Variants in ANXA3 observed in about 807,000 individuals in gnomAD.
ANXA3 encodes 35-alpha calcimedin.
A neutral mutation model predicts 48.8 loss-of-function variants in ANXA3; 46 were observed. The observed-to-expected ratio is 0.94, with a 90% CI of 0.74 to 1.21. The LOEUF (loss-of-function observed/expected upper bound fraction) is 1.21. ANXA3 is among the 50% of genes most tolerant of loss of function. The pLI is 0.00. For missense variants in ANXA3, 383 were observed against 378.6 expected (o/e 1.01, Z -0.10); for synonymous variants, 128 against 134.7 (o/e 0.95, Z 0.35).
intron 7 of ANXA3, among the ~76,000 whole-genome samples, chr4:78,593,087 T>C (rs901150901): frequency 1.6e-4 from 24 of 149,724 alleles, no homozygotes; most frequent in African/African-American, 5.4e-4. Context: ...ATAATGTGCT[T>C]AAGTATTTGT....
intron 2 of ANXA3, among the ~76,000 whole-genome samples, chr4:78,570,800 GAAGCATTCAAAC>G (rs1335042269): frequency 6.6e-6 from 1 of 152,158 alleles, no homozygotes; most frequent in African/African-American, 2.4e-5. Context: ...TGCTGGGCAT[GAAGCATTCAAAC>G]AATCTAACAT....
intron 3 of ANXA3, among the ~76,000 whole-genome samples, chr4:78,575,025 A>G (rs1722918185): frequency 1.3e-5 from 2 of 152,194 alleles, no homozygotes; most frequent in Admixed American, 6.5e-5. Flanking sequence ...AACACTTGCT[A>G]TAGTAAGACT....
intron 2 of ANXA3, among the ~76,000 whole-genome samples, chr4:78,555,721 T>C (rs12648686): frequency 0.72 from 108,697 of 150,796 alleles, 40,084 homozygotes; most frequent in East Asian, 0.88. Context: ...CGTTGTGGGG[T>C]GTACCCATGG....
intron 8 of ANXA3, 44 bp downstream of exon 8, chr4:78,595,481 A>T (rs756189245): frequency 1.3e-6 from 2 of 1,592,296 alleles, no homozygotes; most frequent in Non-Finnish European, 1.7e-6. Flanking sequence ...CTATTCTCCT[A>T]TGTGGCTGCC....
chr4:78,579,112 A>G lies in ANXA3; in HGVS notation c.189A>G (p.Ala63=), dbSNP rs769212224. The G allele has an allele frequency of 7.2e-5, 116 of 1,609,192 alleles. No homozygotes were observed. Among genetic ancestry groups the G allele is most frequent in the Non-Finnish European group, 8.8e-5 (103 of 1,176,112 alleles). ...TGATTGTTAAGGAATATCAAGCAGC[A>G]TATGGAAAGGTAAGGTCACATTAAC... ...RQLIVKEYQA[A]YGKELKDDLK... Residue 63 remains alanine (A), a synonymous_variant, in exon 4 of 13, where the codon GCA becomes GCG. Coordinates refer to ENST00000264908, the MANE Select transcript of ANXA3 (RefSeq NM_005139.3).
chr4:78,586,335 C>A lies in ANXA3; in HGVS notation c.388C>A (p.Gln130Lys). The A allele has an allele frequency of 6.2e-7, 1 of 1,612,916 alleles. No homozygotes were observed. The highest frequency in any genetic ancestry group is 1.1e-5 in the South Asian group (1 of 91,022). The change falls in exon 6 of 13, where the codon CAA becomes AAA. Residue 130 changes from glutamine to lysine, a missense_variant. Transcript: ENST00000264908. ...RTSRQMKDIS[Q>K]AYYTVYKKSL... ...AAGCAGGCAAATGAAGGATATCTCT[C>A]AAGCCTATTATACAGGTGTCTTATT...
intron 11 of ANXA3, chr4:78,603,710 T>C (rs1723590617): frequency 6.6e-6 from 1 of 152,252 alleles, no homozygotes; most frequent in African/African-American, 2.4e-5. Context: ...CAGAATTTCA[T>C]TTCATGGTTA....
At chr4:78,555,674 TAAAAAA>T (rs113457974) in intron 2 of ANXA3, among the ~76,000 whole-genome samples, 1 of 142,342 alleles carries the variant, frequency 7.0e-6, no homozygotes, top group African/African-American at 2.6e-5. Context: ...CCCAGTCTCT[TAAAAAA>T]AAAAAAAAAA....
intron 6 of ANXA3, 73 bp from the exon 7 acceptor site, chr4:78,591,471 T>A: frequency 9.6e-7 from 1 of 1,039,654 alleles, no homozygotes; most frequent in Non-Finnish European, 1.5e-6. Context: ...GTGTTGGCAT[T>A]TAAACTTTTC....
chr4:78,584,517 TCTAA>T (rs1224997904), intron 5 of ANXA3, among the ~76,000 whole-genome samples: 6 of 152,260 alleles, frequency 3.9e-5, no homozygotes, highest in African/African-American at 1.4e-4. Context: ...TCTTTTTTCA[TCTAA>T]CTAAAAGGCA....
At position 78,582,275 on chromosome 4, in the gene ANXA3, A is replaced by G. The variant is rs773154921; in HGVS notation, c.297A>G (p.Leu99=). ...CAGCAGTCTTTGATGCAAAGCAGCT[A>G]AAGAAATCCATGAAGGTATGAGCCC... ...TPPAVFDAKQ[L]KKSMKGAGTN... Residue 99 remains leucine, a synonymous_variant, in exon 5 of 13, where the codon CTA becomes CTG. Coordinates refer to ENST00000264908, the MANE Select transcript of ANXA3 (RefSeq NM_005139.3). 4.3e-6 allele frequency: 7 copies of G among 1,612,110 alleles called. No individual in the cohort carries two copies. The Admixed American group carries it at 1.2e-4, about 27-fold the overall frequency.
chr4:78,600,463 G>C (rs549701506), intron 10 of ANXA3, among the ~76,000 whole-genome samples: 51 of 152,248 alleles, frequency 3.3e-4, no homozygotes, highest in African/African-American at 1.2e-3. Context: ...ATGAAAGTGG[G>C]CATCATTATT....
chr4:78,578,309 G>GAGAGAGAGAGAGAGAA (rs1723001024), intron 3 of ANXA3, among the ~76,000 whole-genome samples: 1 of 110,460 alleles, frequency 9.1e-6, no homozygotes, highest in African/African-American at 3.4e-5. Flanking sequence ...GAGAGAGAGA[G>GAGAGAGAGAGAGAGAA]AGAGAGAGAG....
At chr4:78,592,054 A>G (rs1723308438) in intron 7 of ANXA3, among the ~76,000 whole-genome samples, 1 of 152,222 alleles carries the variant, frequency 6.6e-6, no homozygotes. Flanking sequence ...TGATCTTTAG[A>G]GATGGGAATT....
At chr4:78,604,172 AG>A (rs1290181242) in intron 11 of ANXA3, 104 bp from the exon 12 acceptor site, 2 of 1,010,316 alleles carry the variant, frequency 2.0e-6, no homozygotes, top group East Asian at 2.7e-5. Context: ...GAATCACTAT[AG>A]TTGAATATTT....
chr4:78,565,233 A>T (rs1012028565), intron 2 of ANXA3, among the ~76,000 whole-genome samples: 1 of 152,090 alleles, frequency 6.6e-6, no homozygotes, highest in Non-Finnish European at 1.5e-5. Context: ...ACCTCAGGTG[A>T]TCCATCCCAA....
At chr4:78,601,452 T>C in intron 10 of ANXA3, 58 bp from the exon 11 acceptor site, 1 of 1,508,246 alleles carries the variant, frequency 6.6e-7, no homozygotes, top group African/African-American at 1.4e-5. Flanking sequence ...TATTACTTAC[T>C]ATAGATTAAC....
chr4:78,598,568 C>A (rs975903254), intron 10 of ANXA3, among the ~76,000 whole-genome samples: 1 of 151,282 alleles, frequency 6.6e-6, no homozygotes, highest in African/African-American at 2.4e-5. Context: ...GTGACGGAGT[C>A]TCGCTCGGTT....
At position 78,609,706 on chromosome 4, in the gene ANXA3, C is replaced by T. The variant is rs111735921; in HGVS notation, c.913-350C>T. Among the ~76,000 whole-genome samples, 1,370 of 152,068 alleles carry T rather than the reference C, an allele frequency of 9.0e-3. 22 individuals are homozygous for T. Among genetic ancestry groups the T allele is most frequent in the African/African-American group, 0.031 (1,295 of 41,496 alleles). On this transcript the variant is annotated intron_variant, in intron 12 of 12. Coordinates refer to ENST00000264908, the MANE Select transcript of ANXA3 (RefSeq NM_005139.3). ...GTTAAAGTAGTTAATACACATTAAG[C>T]CTTTTGAATAGCAAGTGTTCGATAA...
Sources: gnomAD v4.1 joint callset for allele counts (sites outside exome capture counted in the v4.1 genomes callset) on GRCh38, gnomAD v4.1.1 for gene constraint, MANE v1.5 for transcripts, NCBI Gene and HGNC (gene_info 2026-07-23, HGNC 2026-07-21) for gene names.